WDFY3: variants seen among roughly 807,000 people sequenced by gnomAD.
The protein encoded by WDFY3 is WD repeat and FYVE domain-containing protein 3.
WDFY3 carries 66 observed loss-of-function variants against 409.6 expected under a neutral mutation model. That is an observed-to-expected ratio of 0.16 (90% CI 0.13 to 0.20). The LOEUF is 0.20. Among genes scored for constraint, WDFY3 ranks in the 10% least tolerant of loss-of-function variants. The pLI is 1.00. For synonymous variants in WDFY3, 1,521 were observed against 1,537.1 expected (o/e 0.99, Z 0.25); for missense variants, 3,031 against 4,298.1 (o/e 0.71, Z 8.24).
intron 3 of WDFY3, among the ~76,000 whole-genome samples, chr4:84,881,157 C>T (rs563756391): frequency 6.6e-6 from 1 of 152,174 alleles, no homozygotes; most frequent in East Asian, 1.9e-4. Context: ...CATACATACG[C>T]ATCAATTGCT....
intron 44 of WDFY3, among the ~76,000 whole-genome samples, chr4:84,727,370 GCTATCATTTA>G (rs1735828370): frequency 6.6e-6 from 1 of 152,114 alleles, no homozygotes. Context: ...GCTGATTTAA[GCTATCATTTA>G]CAATACTCCA....
At chr4:84,768,467 C>A (rs555227683) in intron 30 of WDFY3, among the ~76,000 whole-genome samples, 1 of 152,268 alleles carries the variant, frequency 6.6e-6, no homozygotes, top group South Asian at 2.1e-4. Context: ...GCTCATTGAT[C>A]AACTTGAAAA....
intron 1 of WDFY3, among the ~76,000 whole-genome samples, chr4:84,939,198 T>C (rs553470745): frequency 5.3e-5 from 8 of 152,266 alleles, no homozygotes; most frequent in South Asian, 2.1e-4. Context: ...CTTTTTAAAG[T>C]AGAACATTCC....
rs114713065 is a variant in WDFY3 at position 84,852,495 on chromosome 4, T to C, written c.181-2470A>G. On this transcript the variant is annotated intron_variant, in intron 4 of 67. Transcript: ENST00000295888. ...TCTAATAGAAAATGTGTTTCTTACATGTTTCTTATAACCTCCCTCAAATTA... is the reference window on the plus strand; with the variant it reads ...TCTAATAGAAAATGTGTTTCTTACACGTTTCTTATAACCTCCCTCAAATTA... Among the ~76,000 whole-genome samples, 431 of 152,352 alleles carry C rather than the reference T, an allele frequency of 2.8e-3. 2 individuals are homozygous for C. The highest frequency in any genetic ancestry group is 1.0e-2 in the African/African-American group (414 of 41,582).
chr4:84,822,452 T>C (rs1234193543), intron 10 of WDFY3, among the ~76,000 whole-genome samples: 5 of 152,036 alleles, frequency 3.3e-5, no homozygotes, highest in African/African-American at 1.2e-4. Flanking sequence ...CCGGTAGTCC[T>C]AGCACTTTGG....
intron 50 of WDFY3, 51 bp downstream of exon 50, chr4:84,715,247 C>T (rs2149037052): frequency 2.0e-6 from 2 of 991,922 alleles, no homozygotes; most frequent in Non-Finnish European, 3.0e-6. Flanking sequence ...AAAGATTCCC[C>T]CTCCCATATC....
In WDFY3 at chr4:84,841,185, G is replaced by T; in HGVS notation, c.383C>A (p.Thr128Lys). Reference protein sequence around the residue: ...EEASRGWMLLTTINLLASSGQ... With the variant: ...EEASRGWMLLKTINLLASSGQ... ...AGAGGAAGCTAACAAATTAATTGTC[G>T]TTAGAAGCATCCAGCCTCTACTGGC... Residue 128 changes from threonine to lysine, a missense_variant, in exon 6 of 68, where the codon ACG becomes AAG. Physicochemically the swap from Thr to Lys is moderately conservative, Grantham distance 78. Around this residue, in one of 16 missense-constraint regions of WDFY3, gnomAD observed 1,322 missense variants for 1,697.9 expected, o/e 0.78. Transcript: ENST00000295888. The T allele has an allele frequency of 6.2e-7, 1 of 1,611,606 alleles. No individual in the cohort carries two copies. The highest frequency in any genetic ancestry group is 8.5e-7 in the Non-Finnish European group (1 of 1,179,586).
chr4:84,820,523 G>C (rs1753904505), intron 11 of WDFY3, among the ~76,000 whole-genome samples: 1 of 152,074 alleles, frequency 6.6e-6, no homozygotes, highest in Admixed American at 6.6e-5. Flanking sequence ...ACACCAAAAA[G>C]AGAGAAAAGT....
At chr4:84,785,208 G>A (rs766910057) in intron 24 of WDFY3, among the ~76,000 whole-genome samples, 6 of 151,878 alleles carry the variant, frequency 4.0e-5, no homozygotes, top group Non-Finnish European at 5.9e-5. Flanking sequence ...AAGACCCATC[G>A]TCACTCTGGG....
Position 84,796,527 on chromosome 4 carries a change from C to T in WDFY3, c.3161G>A (p.Gly1054Glu), listed in dbSNP as rs1452556694. 1.3e-6 allele frequency: 2 copies of T among 1,578,498 alleles called. No individual in the cohort carries two copies. The highest frequency in any genetic ancestry group is 3.6e-5 in the Admixed American group (2 of 56,332). The stretch of plus-strand genomic sequence containing the variant: ...TTCCTTGCAAATTTCTTACCCAAAC[C>T]CTTCAAGTGATGTGTCAAATTCAAC... ...AFVEFDTSLE[G>E]FGCLFLPSLA... The change falls in exon 19 of 68, where the codon GGG becomes GAG. Residue 1054 changes from glycine (G) to glutamate (E), a missense_variant. Physicochemically the swap from Gly to Glu is moderately conservative, Grantham distance 98 (BLOSUM62 -2). Coordinates refer to ENST00000295888, the MANE Select transcript of WDFY3 (RefSeq NM_014991.6).
intron 2 of WDFY3, among the ~76,000 whole-genome samples, chr4:84,910,849 G>A (rs184185350): frequency 2.6e-5 from 4 of 151,960 alleles, no homozygotes; most frequent in East Asian, 1.9e-4. Flanking sequence ...GGGATTACAG[G>A]TGTGTGCCAC....
At chr4:84,704,488 T>G in intron 54 of WDFY3, 44 bp from the exon 55 acceptor site, 1 of 1,443,346 alleles carries the variant, frequency 6.9e-7, no homozygotes. Flanking sequence ...AAAGAAGAAA[T>G]ATGAAAAATA....
intron 2 of WDFY3, among the ~76,000 whole-genome samples, chr4:84,907,111 G>A (rs760454470): frequency 6.6e-6 from 1 of 152,090 alleles, no homozygotes; most frequent in Non-Finnish European, 1.5e-5. Flanking sequence ...TTTGCAGAGA[G>A]AGAAAATAAC....
At chr4:84,930,340 C>A (rs928630563) in intron 2 of WDFY3, among the ~76,000 whole-genome samples, 4 of 152,110 alleles carry the variant, frequency 2.6e-5, no homozygotes, top group Admixed American at 2.0e-4. Context: ...GGGACCTCTG[C>A]AGTCATATAA....
rs1402155370 is a variant in WDFY3 at position 84,679,002 on chromosome 4, T to C, written c.10064A>G (p.Gln3355Arg). Residue 3355 changes from glutamine to arginine, a missense_variant, in exon 65 of 68, where the codon CAG (glutamine) becomes CGG (arginine). Around this residue, in one of 16 missense-constraint regions of WDFY3, gnomAD observed 378 missense variants for 477.3 expected, o/e 0.79. Transcript: ENST00000295888. Reference protein sequence around the residue: ...GFIFVNYSEGQTRAHLQGPLS... With the variant: ...GFIFVNYSEGRTRAHLQGPLS... ...GGGGCCCTGCAGATGGGCTCTGGTC[T>C]GGCCCTCTGAATAGTTCACAAATAT... The C allele has an allele frequency of 4.3e-6, 7 of 1,614,144 alleles. No homozygotes were observed. In the East Asian group the frequency reaches 1.6e-4, roughly 36 times the overall value.
At chr4:84,874,442 T>C (rs1033513327) in intron 3 of WDFY3, among the ~76,000 whole-genome samples, 1 of 151,702 alleles carries the variant, frequency 6.6e-6, no homozygotes, top group Non-Finnish European at 1.5e-5. Context: ...ACAAAGCAGG[T>C]ATCATACCAC....
At chr4:84,915,210 C>T (rs1434542028) in intron 2 of WDFY3, among the ~76,000 whole-genome samples, 2 of 152,122 alleles carry the variant, frequency 1.3e-5, no homozygotes, top group Non-Finnish European at 2.9e-5. Context: ...GGGTACAGAG[C>T]TTCTGTTTCA....
intron 4 of WDFY3, among the ~76,000 whole-genome samples, chr4:84,853,293 C>T (rs1208041346): frequency 6.6e-6 from 1 of 152,168 alleles, no homozygotes; most frequent in Non-Finnish European, 1.5e-5. Flanking sequence ...GCCTCAGCTT[C>T]CTGAGTAGCT....
chr4:84,856,243 G>C (rs1398172486), intron 4 of WDFY3, among the ~76,000 whole-genome samples: 2 of 152,132 alleles, frequency 1.3e-5, no homozygotes, highest in African/African-American at 2.4e-5. Context: ...ACATTTACAT[G>C]CTTCTCAAAT....
Sources: allele counts gnomAD v4.1 joint callset (sites outside exome capture counted in the v4.1 genomes callset), GRCh38; gene constraint gnomAD v4.1.1; regional missense constraint gnomAD v4.1.1; transcripts MANE v1.5; gene names NCBI Gene and HGNC (gene_info 2026-07-23, HGNC 2026-07-21).